The following BICD1 variants were observed in gnomAD, a reference collection of about 807,000 sequenced individuals.
BICD1 encodes protein bicaudal D homolog 1.
In BICD1, 35 loss-of-function variants were observed where a neutral mutation model predicts 92.5. The observed-to-expected ratio is 0.38, with a 90% confidence interval of 0.29 to 0.50. The LOEUF is 0.50. Among genes scored for constraint, BICD1 ranks in the 20% least tolerant of loss-of-function variants. The pLI is 0.93. For synonymous variants in BICD1, 429 were observed against 465.1 expected, an observed-to-expected ratio of 0.92 and a Z score of 1.00; for missense variants, 950 against 1,189.8, an observed-to-expected ratio of 0.80 and a Z score of 2.97.
intron 1 of BICD1, among the ~76,000 whole-genome samples, chr12:32,114,241 C>T (rs191325): frequency 2.0e-5 from 3 of 152,250 alleles, no homozygotes; most frequent in East Asian, 3.9e-4. Flanking sequence ...TTCCTGAGCT[C>T]GAGCGATCTG....
In BICD1 at chr12:32,198,330, CTATA is replaced by C. The variant is rs749446989; in HGVS notation, c.214-17897_214-17894del. Among the ~76,000 whole-genome samples, 51 of 117,774 alleles carry C rather than the reference CTATA, an allele frequency of 4.3e-4. 3 individuals are homozygous for C. The highest frequency in any genetic ancestry group is 1.3e-3 in the Admixed American group (13 of 10,024). The allele number at this position is 117,774 out of a possible 152,430, so 77.3% of individuals were successfully genotyped here. A position where few individuals can be genotyped will look rare whatever the true frequency, so the allele number is the denominator to read the frequency against. On this transcript the variant is annotated intron_variant, in intron 1 of 9. Transcript: ENST00000652176. ...GATTATGGGAATAATATGCATCTAT[CTATA>C]TATATATATATATATATATTCCAAA...
At chr12:32,301,361 T>G (rs1948038675) in intron 3 of BICD1, among the ~76,000 whole-genome samples, 1 of 152,132 alleles carries the variant, frequency 6.6e-6, no homozygotes, top group Non-Finnish European at 1.5e-5. Flanking sequence ...ACTGGATGCT[T>G]TAGTGTGGGA....
At chr12:32,134,448 T>C (rs1346882455) in intron 1 of BICD1, among the ~76,000 whole-genome samples, 1 of 152,178 alleles carries the variant, frequency 6.6e-6, no homozygotes, top group African/African-American at 2.4e-5. Context: ...CAGAGACCAA[T>C]GGGTGGCAGA....
chr12:32,239,202 G>T (rs1346351077), intron 2 of BICD1, among the ~76,000 whole-genome samples: 4 of 140,546 alleles, frequency 2.8e-5, no homozygotes, highest in Non-Finnish European at 6.0e-5. Flanking sequence ...AGTCAAGATT[G>T]CACCACTGCA....
intron 1 of BICD1, among the ~76,000 whole-genome samples, chr12:32,135,081 TC>T (rs1293697277): frequency 2.1e-4 from 7 of 33,048 alleles, no homozygotes; most frequent in African/African-American, 7.0e-4. Flanking sequence ...CCTTCCCCGC[TC>T]CCCTCCTTTA....
At chr12:32,166,135 T>TTTATTTATTTA (rs1373720015) in intron 1 of BICD1, among the ~76,000 whole-genome samples, 5 of 31,536 alleles carry the variant, frequency 1.6e-4, no homozygotes, top group Non-Finnish European at 4.0e-4. Flanking sequence ...TATTTATTTA[T>TTTATTTATTTA]TTATTTATTT....
intron 6 of BICD1, among the ~76,000 whole-genome samples, chr12:32,336,040 T>C (rs937559482): frequency 6.6e-6 from 1 of 152,166 alleles, no homozygotes; most frequent in Non-Finnish European, 1.5e-5. Context: ...TTGAGCTTTA[T>C]AGGAGTCCCC....
chr12:32,365,362 AG>A (rs1853321100), intron 8 of BICD1, among the ~76,000 whole-genome samples: 1 of 152,206 alleles, frequency 6.6e-6, no homozygotes, highest in South Asian at 2.1e-4. Context: ...TCATTAAGGG[AG>A]TACACTGTGG....
chr12:32,282,202 CTTTTTTTTTTT>C lies in BICD1; in HGVS notation c.427-11766_427-11756del, dbSNP rs56217529. Reference sequence around the variant, plus strand: ...GCAAGACCCAGCTTCAGGTCTTCTTCTTTTTTTTTTTTTTTTTTTTTTTTTTTTTTTTTTTT... The same window carrying C: ...GCAAGACCCAGCTTCAGGTCTTCTTCTTTTTTTTTTTTTTTTTTTTTTTTT... On this transcript the variant is annotated intron_variant, in intron 2 of 9. Transcript: ENST00000652176. Among the ~76,000 whole-genome samples, 22 of 94,248 alleles carry C rather than the reference CTTTTTTTTTTT, an allele frequency of 2.3e-4. 1 individual carries two copies. The highest frequency in any genetic ancestry group is 1.9e-3 in the South Asian group (5 of 2,674). The allele number at this position is 94,248 out of a possible 152,430, so 61.8% of individuals were successfully genotyped here. A position where few individuals can be genotyped will look rare whatever the true frequency, so the allele number is the denominator to read the frequency against.
At chr12:32,351,359 G>A (rs1035869948) in intron 8 of BICD1, among the ~76,000 whole-genome samples, 2 of 150,572 alleles carry the variant, frequency 1.3e-5, no homozygotes, top group Non-Finnish European at 3.0e-5. Flanking sequence ...GGTGGCGCAC[G>A]CCTGTAATTT....
rs537081046 is a variant in BICD1 at position 32,345,630 on chromosome 12, C to G, written c.2764+6651C>G. Among the ~76,000 whole-genome samples, 5 of 152,078 alleles carry G rather than the reference C, an allele frequency of 3.3e-5. No homozygotes were observed. In the South Asian group the frequency reaches 1.0e-3, roughly 32 times the overall value. ...GGGTTCTTCTTTCCTATACATTTAT[C>G]TTTTTGTTTCTTTTGAGTCAGAAGA... On this transcript the variant is annotated intron_variant, in intron 8 of 9. Coordinates refer to ENST00000652176, the MANE Select transcript of BICD1 (RefSeq NM_001714.4).
chr12:32,118,715 A>C (rs977330837), intron 1 of BICD1, among the ~76,000 whole-genome samples: 2 of 152,004 alleles, frequency 1.3e-5, no homozygotes, highest in Non-Finnish European at 2.9e-5. Flanking sequence ...GGGTCCTGGA[A>C]CCCCCACACC....
chr12:32,254,206 ATCACTGCCATATTCCACATGTCATAT>A (rs1362780857), intron 2 of BICD1, among the ~76,000 whole-genome samples: 1 of 140,832 alleles, frequency 7.1e-6, no homozygotes, highest in East Asian at 2.4e-4. Flanking sequence ...ACCTGCCATA[ATCACTGCCATATTCCACATGTCATAT>A]TCACTGCCAT....
At chr12:32,270,977 C>G (rs927581974) in intron 2 of BICD1, among the ~76,000 whole-genome samples, 18 of 152,116 alleles carry the variant, frequency 1.2e-4, no homozygotes, top group African/African-American at 4.3e-4. Flanking sequence ...GCTGGCCAGC[C>G]GGAAGCCACC....
At chr12:32,339,195 A>G (rs1456801035) in intron 8 of BICD1, 13 of 1,281,752 alleles carry the variant, frequency 1.0e-5, no homozygotes, top group Non-Finnish European at 1.3e-5. Flanking sequence ...ACAGCCAAAG[A>G]TGGCAAATGA....
intron 4 of BICD1, among the ~76,000 whole-genome samples, chr12:32,310,461 T>G (rs547299713): frequency 6.6e-6 from 1 of 152,296 alleles, no homozygotes; most frequent in South Asian, 2.1e-4. Flanking sequence ...TGATCAAAGT[T>G]GTTTGTGTCC....
chr12:32,121,252 A>C (rs11051806), intron 1 of BICD1, among the ~76,000 whole-genome samples: 16,400 of 151,326 alleles, frequency 0.11, 1,169 homozygotes, highest in East Asian at 0.32. Flanking sequence ...GAGCCACAGC[A>C]CCTGGCGTCC....
chr12:32,232,501 T>G (rs2121583089), intron 2 of BICD1, among the ~76,000 whole-genome samples: 1 of 149,648 alleles, frequency 6.7e-6, no homozygotes, highest in Non-Finnish European at 1.5e-5. Flanking sequence ...CTTTGTCAGA[T>G]GAGTAGGTTG....
intron 1 of BICD1, among the ~76,000 whole-genome samples, chr12:32,123,251 G>A (rs1942218437): frequency 6.6e-6 from 1 of 152,134 alleles, no homozygotes. Flanking sequence ...TGAGTTAGGG[G>A]GTGAATAGTA....
Sources: gnomAD v4.1 joint callset for allele counts (sites outside exome capture counted in the v4.1 genomes callset) on GRCh38, gnomAD v4.1.1 for gene constraint, MANE v1.5 for transcripts, NCBI Gene and HGNC (gene_info 2026-07-23, HGNC 2026-07-21) for gene names.